The following TRERF1 variants were observed in gnomAD, a reference collection of about 807,000 sequenced individuals.
TRERF1 encodes transcriptional regulating factor 1, also known as transcriptional-regulating factor 1.
A neutral mutation model predicts 122.9 loss-of-function variants in TRERF1; 27 were observed. The ratio of observed to expected loss-of-function variants is 0.22; its 90% confidence interval spans 0.16 to 0.30. The LOEUF (loss-of-function observed/expected upper bound fraction) is 0.30, where lower values mean the gene tolerates loss of function less well. TRERF1 is among the 10% of genes least tolerant of loss of function. The pLI, the probability that TRERF1 is intolerant of heterozygous loss-of-function variation, is 1.00. For synonymous variants in TRERF1, 636 were observed against 641.7 expected (o/e 0.99, Z 0.13); for missense variants, 1,248 against 1,560.3 (o/e 0.80, Z 3.37).
At chr6:42,249,357 C>T (rs1775348684) in intron 13 of TRERF1, among the ~76,000 whole-genome samples, 1 of 152,192 alleles carries the variant, frequency 6.6e-6, no homozygotes, top group Non-Finnish European at 1.5e-5. Context: ...TTTCTACCCA[C>T]CAGGCTCATT....
At chr6:42,329,743 C>A (rs1160284182) in intron 3 of TRERF1, among the ~76,000 whole-genome samples, 2 of 152,156 alleles carry the variant, frequency 1.3e-5, no homozygotes, top group Non-Finnish European at 2.9e-5. Context: ...GTAATCCCAG[C>A]ACTTTGGGAG....
At chr6:42,335,656 G>A (rs1766018940) in intron 3 of TRERF1, among the ~76,000 whole-genome samples, 1 of 152,158 alleles carries the variant, frequency 6.6e-6, no homozygotes, top group Non-Finnish European at 1.5e-5. Context: ...ACTTATTCAT[G>A]TGCATTAACT....
chr6:42,438,850 G>A (rs1196753129), intron 2 of TRERF1, among the ~76,000 whole-genome samples: 3 of 152,146 alleles, frequency 2.0e-5, no homozygotes, highest in African/African-American at 4.8e-5. Context: ...AGATCAGAGG[G>A]TTTAGATATG....
chr6:42,344,714 A>C (rs1767939410), intron 3 of TRERF1, among the ~76,000 whole-genome samples: 1 of 152,102 alleles, frequency 6.6e-6, no homozygotes, highest in Admixed American at 6.5e-5. Context: ...GCTGCTTGCT[A>C]AATGTCACAG....
At chr6:42,301,604 T>A (rs1786218286) in intron 3 of TRERF1, among the ~76,000 whole-genome samples, 1 of 152,216 alleles carries the variant, frequency 6.6e-6, no homozygotes. Flanking sequence ...AATGAACTGC[T>A]AGAAAAAGGA....
chr6:42,302,138 AAG>A (rs1427710427), intron 3 of TRERF1, among the ~76,000 whole-genome samples: 1 of 152,206 alleles, frequency 6.6e-6, no homozygotes, highest in East Asian at 1.9e-4. Flanking sequence ...GAGAAGAACA[AAG>A]AGTCATCTAT....
chr6:42,268,530 T>A lies in TRERF1; in HGVS notation c.1061A>T (p.Asp354Val). The change falls in exon 5 of 18, where the codon GAC (aspartate) becomes GTC (valine). Residue 354 changes from aspartate to valine, a missense_variant. Physicochemically the swap from Asp to Val is radical, Grantham distance 152. This residue lies in a region of TRERF1 where 946 missense variants were observed against 1,073.0 expected (regional missense o/e 0.88). Transcript: ENST00000372922. This position sits in a 1 kb window ranked among gnomAD's most constrained non-coding sequence, Gnocchi z 4.4. ...CTGCTCTGGGGTATACTGGTGAGGG[T>A]CCCTGTGATAAGAAGGAGGCTGCAG... 1 of 1,613,922 alleles carries A rather than the reference T, an allele frequency of 6.2e-7. No homozygotes were observed. The highest frequency in any genetic ancestry group is 8.5e-7 in the Non-Finnish European group (1 of 1,179,956).
chr6:42,272,222 T>A (rs571072548), intron 4 of TRERF1, among the ~76,000 whole-genome samples: 1 of 152,354 alleles, frequency 6.6e-6, no homozygotes, highest in East Asian at 1.9e-4. Context: ...TGAAGACCAC[T>A]GCAGTCGTAC....
At chr6:42,244,427 G>A (rs1009724862) in intron 14 of TRERF1, among the ~76,000 whole-genome samples, 5 of 151,802 alleles carry the variant, frequency 3.3e-5, no homozygotes, top group Non-Finnish European at 2.9e-5. Context: ...CAGGTGATCC[G>A]CCTGCCTTGG....
intron 4 of TRERF1, among the ~76,000 whole-genome samples, chr6:42,289,151 C>T (rs1783833789): frequency 1.3e-5 from 2 of 152,048 alleles, no homozygotes; most frequent in South Asian, 4.2e-4. Flanking sequence ...TGGTGAAACC[C>T]CATCTCTACT....
chr6:42,425,493 C>A (rs139337518), intron 2 of TRERF1, among the ~76,000 whole-genome samples: 1 of 149,670 alleles, frequency 6.7e-6, no homozygotes, highest in East Asian at 2.0e-4. Context: ...AGCCCATGCC[C>A]CTTTCACATA....
chr6:42,268,457 G>A lies in TRERF1; in HGVS notation c.1134C>T (p.Tyr378=). The A allele has an allele frequency of 1.3e-6, 2 of 1,591,058 alleles. No individual in the cohort carries two copies. The highest frequency in any genetic ancestry group is 1.7e-6 in the Non-Finnish European group (2 of 1,167,152). The change falls in exon 5 of 18, where the codon TAC becomes TAT. Residue 378 remains tyrosine, a synonymous_variant. Coordinates refer to ENST00000372922, the Ensembl canonical transcript of TRERF1. The surrounding 1 kb of genome is among the most constrained non-coding windows in gnomAD (Gnocchi z 4.4). ...TGTAGGGCTGCTGGGGCTCCTGGTA[G>A]TAGTACTGGGACATGGAGCCCAGGG...
chr6:42,405,523 G>A (rs1490139651), intron 2 of TRERF1, among the ~76,000 whole-genome samples: 7 of 152,096 alleles, frequency 4.6e-5, no homozygotes, highest in East Asian at 3.9e-4. Context: ...GGTCTGGTGC[G>A]GTGGCTCACA....
chr6:42,228,311 G>C lies in TRERF1; in HGVS notation c.*34C>G. 2 of 1,542,622 alleles carry C rather than the reference G, an allele frequency of 1.3e-6. No individual in the cohort carries two copies. The highest frequency in any genetic ancestry group is 1.8e-6 in the Non-Finnish European group (2 of 1,142,014). ...CCTGATTAATGAAGATGGAGGCCGTGGGTTTTCACTGTCTCTAAGTGACAC... is the reference window on the plus strand; with the variant it reads ...CCTGATTAATGAAGATGGAGGCCGTCGGTTTTCACTGTCTCTAAGTGACAC... On this transcript the variant is annotated 3_prime_UTR_variant, in exon 18 of 18. Transcript: ENST00000372922. This position sits in a 1 kb window ranked among gnomAD's most constrained non-coding sequence, Gnocchi z 4.2.
chr6:42,423,485 C>T (rs564857972), intron 2 of TRERF1, among the ~76,000 whole-genome samples: 1 of 152,060 alleles, frequency 6.6e-6, no homozygotes, highest in Non-Finnish European at 1.5e-5. Flanking sequence ...AAAGCAGCCC[C>T]GAGACAAGGA....
chr6:42,236,205 A>T, exon 16 of TRERF1: 3 of 1,573,056 alleles, frequency 1.9e-6, no homozygotes, highest in Non-Finnish European at 2.6e-6. Context: ...ACACACTTAC[A>T]GCCCCACAGT....
At chr6:42,310,815 T>C (rs1024358205) in intron 3 of TRERF1, among the ~76,000 whole-genome samples, 13 of 152,234 alleles carry the variant, frequency 8.5e-5, no homozygotes, top group African/African-American at 3.1e-4. Context: ...AGCAGGTGTC[T>C]ATTTTTGCCA....
At chr6:42,340,703 C>T (rs1475931215) in intron 3 of TRERF1, among the ~76,000 whole-genome samples, 6 of 152,168 alleles carry the variant, frequency 3.9e-5, no homozygotes, top group Admixed American at 6.5e-5. Context: ...TAGGCTCAAG[C>T]GATCCTCCCA....
At chr6:42,364,314 C>T (rs1772318224) in intron 2 of TRERF1, among the ~76,000 whole-genome samples, 1 of 152,218 alleles carries the variant, frequency 6.6e-6, no homozygotes, top group East Asian at 1.9e-4. Flanking sequence ...TGAGGCCCAC[C>T]TCAAACCCCG....
Sources: gnomAD v4.1 joint callset for allele counts (sites outside exome capture counted in the v4.1 genomes callset) on GRCh38, gnomAD v4.1.1 for gene constraint, gnomAD v4.1.1 regional missense constraint, Gnocchi (gnomAD v3.1) non-coding constraint, MANE v1.5 for transcripts, NCBI Gene and HGNC (gene_info 2026-07-23, HGNC 2026-07-21) for gene names.